Variants in TMC5 observed in about 807,000 individuals in gnomAD.
TMC5 encodes the protein transmembrane channel like 5, also known as transmembrane channel-like protein 5.
TMC5 carries 86 observed loss-of-function variants against 110.5 expected under a neutral mutation model. That is an observed-to-expected ratio of 0.78 (90% CI 0.65 to 0.93). The LOEUF is 0.93. TMC5 is among the 40% of genes least tolerant of loss of function. The probability of loss-of-function intolerance (pLI) is 0.00; values close to 1 mark genes in which losing one functional copy is unlikely to be tolerated. For synonymous variants in TMC5, 455 were observed against 439.5 expected (o/e 1.04, Z -0.44); for missense variants, 1,144 against 1,222.8 (o/e 0.94, Z 0.96).
intron 2 of TMC5, among the ~76,000 whole-genome samples, chr16:19,434,366 T>A (rs1967285030): frequency 1.1e-5 from 1 of 94,602 alleles, no homozygotes; most frequent in African/African-American, 4.4e-5. Context: ...ATTATATATA[T>A]AATATAGATC....
At chr16:19,464,817 C>A (rs1183900569) in intron 8 of TMC5, among the ~76,000 whole-genome samples, 1 of 151,122 alleles carries the variant, frequency 6.6e-6, no homozygotes, top group African/African-American at 2.4e-5. Context: ...GTCCAACTCC[C>A]CATTTTGAGA....
intron 8 of TMC5, among the ~76,000 whole-genome samples, chr16:19,465,099 TCCTTCCTTCCTTCCTCCCTC>T (rs1567314787): frequency 1.1e-4 from 11 of 97,248 alleles, no homozygotes; most frequent in African/African-American, 3.4e-4. Flanking sequence ...CTTCCTTCCT[TCCTTCCTTCCTTCCTCCCTC>T]CCTCCCTCCC....
chr16:19,449,653 T>C (rs1459319183), intron 5 of TMC5, 22 bp downstream of exon 5: 8 of 1,600,920 alleles, frequency 5.0e-6, no homozygotes, highest in Non-Finnish European at 6.8e-6. Flanking sequence ...GGTTTGGCTC[T>C]GTGTCCCCAC....
At chr16:19,477,203 G>A (rs576745909) in intron 12 of TMC5, 3 of 350,396 alleles carry the variant, frequency 8.6e-6, no homozygotes, top group African/African-American at 2.2e-5. Context: ...AGCTGAGATC[G>A]CGCCACTGCA....
intron 17 of TMC5, among the ~76,000 whole-genome samples, chr16:19,488,634 A>C (rs1968810238): frequency 6.7e-6 from 1 of 149,696 alleles, no homozygotes; most frequent in Non-Finnish European, 1.5e-5. Context: ...CCTCCTCTCC[A>C]CCCTCTGATT....
rs764327424 is a variant in TMC5, at chr16:19,497,183, C to A, written c.2974+20C>A. On this transcript the variant is annotated intron_variant, in intron 21 of 21. Transcript: ENST00000542583. ...GTCTTGGTGAGTAATTAAACTGGGA[C>A]AGAATAAGACACTAATTTATTTCTG... is the stretch of plus-strand genomic sequence containing the variant. 2 of 1,604,588 alleles carry A rather than the reference C, an allele frequency of 1.2e-6. No individual in the cohort carries two copies. The highest frequency in any genetic ancestry group is 1.1e-5 in the South Asian group (1 of 90,744).
chr16:19,462,543 G>C (rs568688209), intron 6 of TMC5: 1 of 702,104 alleles, frequency 1.4e-6, no homozygotes, highest in Non-Finnish European at 2.6e-6. Flanking sequence ...CGAAGGAAGA[G>C]CAAAGGCACA....
intron 1 of TMC5, among the ~76,000 whole-genome samples, chr16:19,429,599 G>A (rs1967155152): frequency 6.6e-6 from 1 of 152,188 alleles, no homozygotes; most frequent in South Asian, 2.1e-4. Context: ...TCCATGTGTG[G>A]GGGCCATCAT....
At chr16:19,420,422 G>A (rs533125949) in intron 1 of TMC5, among the ~76,000 whole-genome samples, 1 of 145,818 alleles carries the variant, frequency 6.9e-6, no homozygotes, top group African/African-American at 2.5e-5. Context: ...GCAAGACTCC[G>A]TCTCAAAAAA....
Position 19,444,142 on chromosome 16 carries a change from G to A in TMC5, c.850G>A (p.Gly284Ser). ...TCGTCACAGGAGTGATGACCCCGTG[G>A]GCAGTCTTTGGGGAGAGAATGATTA... is the stretch of plus-strand genomic sequence containing the variant. Reference protein sequence around the residue: ...SFRHRSDDPVGSLWGENDYPE... With the variant: ...SFRHRSDDPVSSLWGENDYPE... Residue 284 changes from glycine to serine, a missense_variant, in exon 4 of 22, where the codon GGC (glycine) becomes AGC (serine). Gly to Ser is a moderately conservative substitution (Grantham distance 56, BLOSUM62 0). Transcript: ENST00000542583. 6.2e-7 allele frequency: 1 copy of A among 1,614,088 alleles called. No individual in the cohort carries two copies. The highest frequency in any genetic ancestry group is 8.5e-7 in the Non-Finnish European group (1 of 1,180,022).
At position 19,466,204 on chromosome 16, in the gene TMC5, G is replaced by A; in HGVS notation, c.1608G>A (p.Leu536=). 1 of 1,614,042 alleles carries A rather than the reference G, an allele frequency of 6.2e-7. No individual in the cohort carries two copies. The highest frequency in any genetic ancestry group is 1.7e-5 in the Admixed American group (1 of 59,972). ...ACATCTTCACAATCGGAGCATGCTT[G>A]ACCACCTGCTTCTTCAGTTTGCTGT... The part of the protein sequence containing the change: ...LAYIFTIGAC[L]TTCFFSLLFS... The change falls in exon 9 of 22, where the codon TTG becomes TTA. Residue 536 remains leucine, a synonymous_variant. Transcript: ENST00000542583.
At chr16:19,428,517 G>A (rs1967132613) in intron 1 of TMC5, among the ~76,000 whole-genome samples, 3 of 152,064 alleles carry the variant, frequency 2.0e-5, no homozygotes, top group African/African-American at 7.2e-5. Context: ...TGTTAATTCA[G>A]TGTTATAAGA....
chr16:19,458,941 G>T (rs1567311420), intron 5 of TMC5, among the ~76,000 whole-genome samples: 1 of 151,982 alleles, frequency 6.6e-6, no homozygotes, highest in Non-Finnish European at 1.5e-5. Context: ...TCGCTGCCCC[G>T]CCTGCTGGCT....
chr16:19,432,654 TG>T (rs1430554500), intron 2 of TMC5, among the ~76,000 whole-genome samples: 1 of 152,220 alleles, frequency 6.6e-6, no homozygotes, highest in African/African-American at 2.4e-5. Context: ...GCTCTTTGTT[TG>T]TTTAGGTATT....
rs1277092872 is a variant in TMC5 at position 19,434,118 on chromosome 16, T to A, written c.-80+3478T>A. On this transcript the variant is annotated intron_variant, in intron 2 of 21. Coordinates refer to ENST00000542583, the MANE Select transcript of TMC5 (RefSeq NM_001261841.2). ...CTATAATATATATATTATATATATA[T>A]CTATATATCTAAAATATATATATCT... Among the ~76,000 whole-genome samples, 9 of 117,366 alleles carry A rather than the reference T, an allele frequency of 7.7e-5. No individual in the cohort carries two copies. In the East Asian group the frequency reaches 2.0e-3, roughly 26 times the overall value. 77.0% of individuals were successfully genotyped at this position (117,366 alleles called of 152,430 possible). A position where few individuals can be genotyped will look rare whatever the true frequency, so the allele number is the denominator to read the frequency against.
chr16:19,477,962 C>T (rs1968529345), intron 13 of TMC5, among the ~76,000 whole-genome samples: 1 of 152,122 alleles, frequency 6.6e-6, no homozygotes, highest in African/African-American at 2.4e-5. Flanking sequence ...TGGGCTTTAC[C>T]AATATGTAAA....
At chr16:19,497,009 C>T in intron 20 of TMC5, 112 bp from the exon 21 acceptor site, 1 of 1,029,080 alleles carries the variant, frequency 9.7e-7, no homozygotes, top group Non-Finnish European at 1.5e-6. Flanking sequence ...ATCTCTCATC[C>T]CTTAACTTCT....
At position 19,440,215 on chromosome 16, in the gene TMC5, C is replaced by T. The variant is rs1259828839; in HGVS notation, c.177C>T (p.Ser59=). 3.1e-6 allele frequency: 5 copies of T among 1,614,044 alleles called. No individual in the cohort carries two copies. The highest frequency in any genetic ancestry group is 1.3e-5 in the African/African-American group (1 of 74,918). ...GGAGCAATCCATACTCTGTAGCCTCCAGAACACGTCCAGACTATCCTGGGT... is the reference window on the plus strand; with the variant it reads ...GGAGCAATCCATACTCTGTAGCCTCTAGAACACGTCCAGACTATCCTGGGT... ...GTRSNPYSVA[S]RTRPDYPGSL... The change falls in exon 3 of 22, where the codon TCC becomes TCT. Residue 59 remains serine (S), a synonymous_variant. Coordinates refer to ENST00000542583, the MANE Select transcript of TMC5 (RefSeq NM_001261841.2).
intron 5 of TMC5, among the ~76,000 whole-genome samples, chr16:19,450,655 C>T (rs1464159266): frequency 1.3e-5 from 2 of 152,162 alleles, no homozygotes; most frequent in Non-Finnish European, 2.9e-5. Flanking sequence ...AGTCTTGCTT[C>T]CTCCCTGGGT....
Sources: gnomAD v4.1 joint callset for allele counts (sites outside exome capture counted in the v4.1 genomes callset) on GRCh38, gnomAD v4.1.1 for gene constraint, MANE v1.5 for transcripts, NCBI Gene and HGNC (gene_info 2026-07-23, HGNC 2026-07-21) for gene names.